The following TMEM154 variants were observed in gnomAD, a reference collection of about 807,000 sequenced individuals.
The protein encoded by TMEM154 is transmembrane protein 154.
In TMEM154, 27 loss-of-function variants were observed where a neutral mutation model predicts 24.5. The ratio of observed to expected loss-of-function variants is 1.10; its 90% confidence interval spans 0.81 to 1.52. TMEM154 has a LOEUF of 1.52. Ranked by LOEUF, TMEM154 falls within the 40% of genes most tolerant of loss-of-function variation. The pLI is 0.00. For synonymous variants in TMEM154, 67 were observed against 76.8 expected (o/e 0.87, Z 0.67); for missense variants, 228 against 213.4 (o/e 1.07, Z -0.43).
chr4:152,639,003 T>G (rs1015767721), intron 6 of TMEM154, among the ~76,000 whole-genome samples: 1 of 152,098 alleles, frequency 6.6e-6, no homozygotes, highest in Non-Finnish European at 1.5e-5. Context: ...TAGGCTGGAG[T>G]GCAATGGTGT....
intron 1 of TMEM154, 148 bp from the exon 2 acceptor site, chr4:152,653,075 T>C (rs1728420360): frequency 2.6e-6 from 2 of 760,460 alleles, no homozygotes; most frequent in East Asian, 2.8e-5. Context: ...ACACAGAACA[T>C]TGATTTAACA....
intron 1 of TMEM154, among the ~76,000 whole-genome samples, chr4:152,663,700 A>C (rs1230931621): frequency 6.6e-6 from 1 of 152,256 alleles, no homozygotes; most frequent in South Asian, 2.1e-4. Flanking sequence ...TAGCATTTTA[A>C]AGAGATAATG....
At chr4:152,667,831 T>C (rs1728751341) in intron 1 of TMEM154, among the ~76,000 whole-genome samples, 1 of 152,244 alleles carries the variant, frequency 6.6e-6, no homozygotes, top group African/African-American at 2.4e-5. Flanking sequence ...TTTTCTGGTT[T>C]TGAGGAGGTT....
intron 1 of TMEM154, among the ~76,000 whole-genome samples, chr4:152,658,946 C>T (rs1311238026): frequency 1.3e-5 from 2 of 152,120 alleles, no homozygotes; most frequent in African/African-American, 4.8e-5. Context: ...CTATGGAAAA[C>T]AGTAGGGCAA....
At chr4:152,633,706 T>C (rs770126406) in intron 6 of TMEM154, among the ~76,000 whole-genome samples, 13 of 152,212 alleles carry the variant, frequency 8.5e-5, no homozygotes, top group Middle Eastern at 3.4e-3. Context: ...GGCAAATGCC[T>C]GTAATCCTAG....
At chr4:152,672,996 T>C (rs962168670) in intron 1 of TMEM154, among the ~76,000 whole-genome samples, 7 of 152,218 alleles carry the variant, frequency 4.6e-5, no homozygotes, top group African/African-American at 1.7e-4. Flanking sequence ...GTTTGGCCCA[T>C]GGGTCTTAGT....
At chr4:152,661,338 C>T (rs887756806) in intron 1 of TMEM154, among the ~76,000 whole-genome samples, 31 of 132,918 alleles carry the variant, frequency 2.3e-4, no homozygotes, top group African/African-American at 6.9e-4. Context: ...CTCTCTCTCT[C>T]TCTCCCCCCA....
intron 3 of TMEM154, among the ~76,000 whole-genome samples, chr4:152,645,519 T>G (rs1301886337): frequency 6.6e-6 from 1 of 152,160 alleles, no homozygotes; most frequent in Non-Finnish European, 1.5e-5. Flanking sequence ...TCCAGAGAAA[T>G]GAGGCAATGA....
intron 6 of TMEM154, among the ~76,000 whole-genome samples, chr4:152,636,959 AGAGGAAGAATCATGCACAAGGTAAAAGCC>A (rs1448455083): frequency 6.6e-6 from 1 of 152,116 alleles, no homozygotes; most frequent in Non-Finnish European, 1.5e-5. Flanking sequence ...CTTCAATGAC[AGAGGAAGAATCATGCACAAGGTAAAAGCC>A]AATGGAAAAC....
intron 1 of TMEM154, among the ~76,000 whole-genome samples, chr4:152,663,111 C>G (rs1475371030): frequency 3.9e-5 from 6 of 152,176 alleles, no homozygotes; most frequent in Non-Finnish European, 5.9e-5. Flanking sequence ...GAAATAAGAA[C>G]TGTTAAAATG....
At chr4:152,635,783 A>G (rs1366628560) in intron 6 of TMEM154, among the ~76,000 whole-genome samples, 1 of 152,256 alleles carries the variant, frequency 6.6e-6, no homozygotes, top group African/African-American at 2.4e-5. Context: ...CATATAGAAA[A>G]TGTGATGTAA....
intron 1 of TMEM154, among the ~76,000 whole-genome samples, chr4:152,673,387 G>A (rs1177844188): frequency 6.6e-6 from 1 of 152,010 alleles, no homozygotes; most frequent in African/African-American, 2.4e-5. Context: ...TGCAACCATT[G>A]CCTTCCAGGT....
chr4:152,638,272 AAAC>A (rs1186733357), intron 6 of TMEM154, among the ~76,000 whole-genome samples: 1 of 152,234 alleles, frequency 6.6e-6, no homozygotes, highest in African/African-American at 2.4e-5. Context: ...TCTCTACACA[AAAC>A]AACAAAACAC....
rs766345642 is a variant in TMEM154 at position 152,652,814 on chromosome 4, C to T, written c.178G>A (p.Ala60Thr). 11 of 1,614,024 alleles carry T rather than the reference C, an allele frequency of 6.8e-6. No individual in the cohort carries two copies. The highest frequency in any genetic ancestry group is 2.2e-5 in the East Asian group (1 of 44,848). ...GCAAAGTTGGTAGAATTTATATTTGCATTTAATGTTTCTTTGATGGTCACT... is the reference window on the plus strand; with the variant it reads ...GCAAAGTTGGTAGAATTTATATTTGTATTTAATGTTTCTTTGATGGTCACT... Reference protein sequence around the residue: ...AAVTIKETLNANINSTNFAPD... With the variant: ...AAVTIKETLNTNINSTNFAPD... Residue 60 changes from alanine (A) to threonine (T), a missense_variant, in exon 2 of 7, where the codon GCA becomes ACA. Physicochemically the swap from Ala to Thr is moderately conservative, Grantham distance 58. Transcript: ENST00000304385.
intron 6 of TMEM154, among the ~76,000 whole-genome samples, chr4:152,633,272 G>A (rs572916613): frequency 1.2e-4 from 19 of 152,186 alleles, no homozygotes; most frequent in Non-Finnish European, 1.9e-4. Flanking sequence ...TAGTTGCCTC[G>A]CCTGTGGGAC....
At chr4:152,671,671 C>G (rs1728840319) in intron 1 of TMEM154, among the ~76,000 whole-genome samples, 1 of 120,406 alleles carries the variant, frequency 8.3e-6, no homozygotes, top group Non-Finnish European at 1.6e-5. Context: ...GGCGTGAACC[C>G]GGGAGGCGGA....
chr4:152,641,143 G>A lies in TMEM154; in HGVS notation c.479-158C>T, dbSNP rs1182259246. On this transcript the variant is annotated intron_variant, in intron 5 of 6. Coordinates refer to ENST00000304385, the MANE Select transcript of TMEM154 (RefSeq NM_152680.3). ...TGATAGTGATGAAAAGATTAATGAT[G>A]TCAAGGCTCTTGAAATGGAAAAAGC... is the stretch of plus-strand genomic sequence containing the variant. 4 of 571,104 alleles carry A rather than the reference G, an allele frequency of 7.0e-6. No homozygotes were observed. The East Asian group carries it at 9.8e-5, about 14-fold the overall frequency. 35.4% of individuals were successfully genotyped at this position (571,104 alleles called of 1,614,324 possible). A position where few individuals can be genotyped will look rare whatever the true frequency, so the allele number is the denominator to read the frequency against.
chr4:152,663,679 G>T (rs1728661021), intron 1 of TMEM154, among the ~76,000 whole-genome samples: 1 of 152,212 alleles, frequency 6.6e-6, no homozygotes, highest in Non-Finnish European at 1.5e-5. Context: ...TTTCTCTCTG[G>T]TCAGATAATG....
intron 1 of TMEM154, among the ~76,000 whole-genome samples, chr4:152,657,945 G>A (rs1044153365): frequency 1.4e-4 from 21 of 152,126 alleles, no homozygotes; most frequent in African/African-American, 3.6e-4. Context: ...GAGGGAATTC[G>A]TTACCACTAG....
Sources: allele counts gnomAD v4.1 joint callset (sites outside exome capture counted in the v4.1 genomes callset), GRCh38; gene constraint gnomAD v4.1.1; transcripts MANE v1.5; gene names NCBI Gene and HGNC (gene_info 2026-07-23, HGNC 2026-07-21).